PCSK5: variants seen among roughly 807,000 people sequenced by gnomAD.
PCSK5 encodes proprotein convertase subtilisin/kexin type 5, also known as prohormone convertase 5.
Under a neutral mutation model 233.2 loss-of-function variants are expected in PCSK5, and 129 were observed. The observed-to-expected ratio is 0.55, with a 90% CI of 0.48 to 0.64. The LOEUF (loss-of-function observed/expected upper bound fraction) is 0.64, where lower values mean the gene tolerates loss of function less well. Ranked by LOEUF, PCSK5 falls within the 30% of genes least tolerant of loss-of-function variation. PCSK5 has a pLI of 0.00. For missense variants in PCSK5, 2,076 were observed against 2,430.1 expected (o/e 0.85, Z 3.06); for synonymous variants, 825 against 879.2 (o/e 0.94, Z 1.09).
chr9:76,252,095 G>T (rs970263291), intron 24 of PCSK5, among the ~76,000 whole-genome samples: 1 of 151,878 alleles, frequency 6.6e-6, no homozygotes, highest in Non-Finnish European at 1.5e-5. Flanking sequence ...GTGAAACCCC[G>T]TCTCTACTAA....
At chr9:76,173,811 A>G (rs934710010) in intron 13 of PCSK5, among the ~76,000 whole-genome samples, 5 of 151,732 alleles carry the variant, frequency 3.3e-5, no homozygotes, top group African/African-American at 9.7e-5. Flanking sequence ...TGTCTCTACT[A>G]AAAAATACAA....
chr9:76,193,482 TTCTCTC>T (rs541704834), intron 20 of PCSK5: 7 of 702,306 alleles, frequency 1.0e-5, no homozygotes, highest in African/African-American at 3.6e-5. Flanking sequence ...CTCTTTTTCT[TTCTCTC>T]TCTCTCAAGT....
At chr9:76,239,745 G>T (rs75509629) in intron 23 of PCSK5, among the ~76,000 whole-genome samples, 3,403 of 151,426 alleles carry the variant, frequency 0.022, 124 homozygotes, top group African/African-American at 0.073. Context: ...AAAAGAAAAT[G>T]ATCTTGGCGG....
At chr9:76,214,204 C>T (rs923288164) in intron 20 of PCSK5, among the ~76,000 whole-genome samples, 2 of 152,082 alleles carry the variant, frequency 1.3e-5, no homozygotes, top group African/African-American at 4.8e-5. Flanking sequence ...CTCCACGCCC[C>T]ATGCAAGAAA....
chr9:76,105,745 A>C (rs376233818), intron 8 of PCSK5, among the ~76,000 whole-genome samples: 3 of 152,178 alleles, frequency 2.0e-5, no homozygotes, highest in African/African-American at 7.2e-5. Context: ...CACCATATCT[A>C]TGTAGTTCTA....
intron 2 of PCSK5, among the ~76,000 whole-genome samples, chr9:75,978,595 T>C (rs1240792324): frequency 6.6e-6 from 1 of 152,228 alleles, no homozygotes; most frequent in Admixed American, 6.5e-5. Flanking sequence ...ATCATGCTGC[T>C]ACAGTAGGTG....
intron 10 of PCSK5, among the ~76,000 whole-genome samples, chr9:76,137,524 C>G (rs1339243): frequency 0.87 from 132,559 of 152,080 alleles, 57,908 homozygotes; most frequent in East Asian, 1. Context: ...TAGTTTTTCA[C>G]AATAAACATA....
intron 24 of PCSK5, among the ~76,000 whole-genome samples, chr9:76,271,779 C>T (rs1012836644): frequency 2.6e-5 from 4 of 152,188 alleles, no homozygotes; most frequent in African/African-American, 9.7e-5. Flanking sequence ...TTGGCTTCTT[C>T]TGGAGGCTCT....
At chr9:76,028,097 G>A (rs1305056946) in intron 5 of PCSK5, among the ~76,000 whole-genome samples, 3 of 152,160 alleles carry the variant, frequency 2.0e-5, no homozygotes, top group Non-Finnish European at 4.4e-5. Flanking sequence ...ACATGCTGTT[G>A]GTTGACATGA....
chr9:76,127,829 T>C (rs1822574542), intron 9 of PCSK5, among the ~76,000 whole-genome samples: 1 of 152,080 alleles, frequency 6.6e-6, no homozygotes, highest in Admixed American at 6.6e-5. Flanking sequence ...TGCAGCCATC[T>C]TGTGGAGTCA....
chr9:75,976,175 T>A (rs1826003900), intron 2 of PCSK5, among the ~76,000 whole-genome samples: 1 of 151,994 alleles, frequency 6.6e-6, no homozygotes, highest in Admixed American at 6.6e-5. Context: ...TTTGGGGATA[T>A]AATCTTTCCA....
rs148326053 is a variant in PCSK5, at chr9:76,333,368, T to C, written c.4748+758T>C. On this transcript the variant is annotated intron_variant, in intron 34 of 37. Coordinates refer to ENST00000674117, the MANE Select transcript of PCSK5 (RefSeq NM_001372043.1). The stretch of plus-strand genomic sequence containing the variant: ...GCTTATGTGAGGAGAGCAGTGAGTG[T>C]GGAACATTGATTTACAAAGGAAATA... 6.1e-3 allele frequency among the ~76,000 whole-genome samples: 933 copies of C among 152,316 alleles called. 10 individuals are homozygous for C. Among genetic ancestry groups the C allele is most frequent in the African/African-American group, 0.021 (875 of 41,564 alleles).
At chr9:76,295,195 C>A in intron 25 of PCSK5, 80 bp from the exon 26 acceptor site, 2 of 1,244,970 alleles carry the variant, frequency 1.6e-6, no homozygotes, top group Non-Finnish European at 1.1e-6. Context: ...TCTGCATAGA[C>A]ATACATAAGG....
intron 2 of PCSK5, among the ~76,000 whole-genome samples, chr9:75,949,112 A>G (rs1824724621): frequency 6.6e-6 from 1 of 150,488 alleles, no homozygotes; most frequent in South Asian, 2.2e-4. Context: ...ATAAAATAAC[A>G]AATTTTTAAT....
At chr9:75,905,106 TAG>T (rs1324025211) in intron 1 of PCSK5, among the ~76,000 whole-genome samples, 1 of 152,170 alleles carries the variant, frequency 6.6e-6, no homozygotes, top group African/African-American at 2.4e-5. Flanking sequence ...AGCAAATCTA[TAG>T]AGACAGAGGG....
rs12343105 is a variant in PCSK5, at chr9:76,271,632, T to C, written c.3143-20601T>C. Among the ~76,000 whole-genome samples, 1,199 of 150,904 alleles carry C rather than the reference T, an allele frequency of 7.9e-3. 14 individuals carry two copies. The highest frequency in any genetic ancestry group is 0.028 in the African/African-American group (1,144 of 41,018). ...AGGAGGATCGCTTGAAGCCAGGAGA[T>C]AGAGACCAGCCTGGGCAACATAGCA... On this transcript the variant is annotated intron_variant, in intron 24 of 37. Transcript: ENST00000674117.
chr9:76,297,228 T>G (rs1267283929), intron 27 of PCSK5, among the ~76,000 whole-genome samples: 2 of 152,234 alleles, frequency 1.3e-5, no homozygotes, highest in Non-Finnish European at 2.9e-5. Flanking sequence ...ATCACAGGCA[T>G]GTCCTACGTC....
chr9:76,270,978 T>C (rs1012541926), intron 24 of PCSK5, among the ~76,000 whole-genome samples: 4 of 152,084 alleles, frequency 2.6e-5, no homozygotes, highest in African/African-American at 9.7e-5. Flanking sequence ...TAGATCACTT[T>C]AAAGTCAGCA....
intron 20 of PCSK5, among the ~76,000 whole-genome samples, chr9:76,197,104 C>T (rs528730894): frequency 1.7e-4 from 26 of 152,168 alleles, no homozygotes; most frequent in Non-Finnish European, 3.5e-4. Flanking sequence ...CTCCAGTTAC[C>T]AGTGAACTTG....
Sources: allele counts gnomAD v4.1 joint callset (sites outside exome capture counted in the v4.1 genomes callset), GRCh38; gene constraint gnomAD v4.1.1; transcripts MANE v1.5; gene names NCBI Gene and HGNC (gene_info 2026-07-23, HGNC 2026-07-21).